CADM2: variants seen among roughly 807,000 people sequenced by gnomAD.
CADM2 encodes the protein cell adhesion molecule 2.
A neutral mutation model predicts 49.8 loss-of-function variants in CADM2; 12 were observed. The ratio of observed to expected loss-of-function variants is 0.24; its 90% confidence interval spans 0.15 to 0.39. The LOEUF is 0.39. Ranked by LOEUF, CADM2 falls within the 10% of genes least tolerant of loss-of-function variation. The probability of loss-of-function intolerance (pLI) is 1.00; values close to 1 mark genes in which losing one functional copy is unlikely to be tolerated. For missense variants in CADM2, 378 were observed against 492.3 expected, an observed-to-expected ratio of 0.77 and a Z score of 2.20; for synonymous variants, 214 against 175.4, an observed-to-expected ratio of 1.22 and a Z score of -1.74.
chr3:85,231,014 T>C (rs2042274767), intron 1 of CADM2, among the ~76,000 whole-genome samples: 2 of 152,164 alleles, frequency 1.3e-5, no homozygotes, highest in South Asian at 4.1e-4. Context: ...AAAAAAACTC[T>C]CTTGCCTTAC....
intron 1 of CADM2, among the ~76,000 whole-genome samples, chr3:85,472,390 G>T (rs115652672): frequency 6.6e-6 from 1 of 151,542 alleles, no homozygotes; most frequent in East Asian, 1.9e-4. Flanking sequence ...ATACACACAC[G>T]CACCCACACA....
chr3:85,251,967 A>G (rs2042784866), intron 1 of CADM2, among the ~76,000 whole-genome samples: 1 of 151,926 alleles, frequency 6.6e-6, no homozygotes, highest in South Asian at 2.1e-4. Context: ...TTTTCTCATA[A>G]TGGTCAATAT....
chr3:85,541,306 CTG>C (rs1376058091), intron 1 of CADM2, among the ~76,000 whole-genome samples: 1 of 151,442 alleles, frequency 6.6e-6, no homozygotes, highest in Admixed American at 6.6e-5. Flanking sequence ...ACACACACGT[CTG>C]TACACAAACA....
In CADM2 at chr3:85,199,576, T is replaced by C. The variant is rs75875753; in HGVS notation, c.61+239908T>C. ...CACAGCCTAGCATTGTACATGTTGA[T>C]GGCAAATGTTTCTTGAATGCAGGCA... On this transcript the variant is annotated intron_variant, in intron 1 of 9. Coordinates refer to ENST00000383699, the MANE Select transcript of CADM2 (RefSeq NM_001167675.2). 2.5e-3 allele frequency among the ~76,000 whole-genome samples: 379 copies of C among 152,018 alleles called. 1 individual carries two copies. The highest frequency in any genetic ancestry group is 8.8e-3 in the African/African-American group (365 of 41,526).
intron 1 of CADM2, among the ~76,000 whole-genome samples, chr3:85,075,277 A>G (rs1357108951): frequency 6.6e-6 from 1 of 151,896 alleles, no homozygotes; most frequent in East Asian, 1.9e-4. Context: ...TTGAACCAAT[A>G]GAAGTTTAGC....
At chr3:85,853,062 T>C (rs1245734503) in intron 3 of CADM2, among the ~76,000 whole-genome samples, 1 of 151,960 alleles carries the variant, frequency 6.6e-6, no homozygotes, top group Non-Finnish European at 1.5e-5. Context: ...GTAGCAACTA[T>C]TAAAACCACA....
chr3:85,819,248 G>GGCA (rs2073403655), intron 3 of CADM2, among the ~76,000 whole-genome samples: 1 of 152,124 alleles, frequency 6.6e-6, no homozygotes, highest in Non-Finnish European at 1.5e-5. Context: ...TATTGGTGCT[G>GGCA]GCAGCGGATT....
chr3:85,242,889 C>G lies in CADM2; in HGVS notation c.61+283221C>G, dbSNP rs184565274. Among the ~76,000 whole-genome samples, 517 of 151,862 alleles carry G rather than the reference C, an allele frequency of 3.4e-3. 1 individual carries two copies. Among genetic ancestry groups the G allele is most frequent in the African/African-American group, 0.011 (467 of 41,520 alleles). ...TTGTTCAAAAGGCCTAAAATTACAACACATCAATGATATTTGTTGCTTTTT... is the reference window on the plus strand; with the variant it reads ...TTGTTCAAAAGGCCTAAAATTACAAGACATCAATGATATTTGTTGCTTTTT... On this transcript the variant is annotated intron_variant, in intron 1 of 9. Transcript: ENST00000383699.
chr3:84,990,905 T>A (rs930161095), intron 1 of CADM2, among the ~76,000 whole-genome samples: 54 of 152,248 alleles, frequency 3.5e-4, no homozygotes, highest in Admixed American at 3.3e-3. Flanking sequence ...TATTTCACAA[T>A]TTTTTTCTTG....
intron 1 of CADM2, among the ~76,000 whole-genome samples, chr3:85,046,562 T>TTATCTCTAAAGGCA (rs2107386098): frequency 6.6e-6 from 1 of 152,128 alleles, no homozygotes; most frequent in South Asian, 2.1e-4. Context: ...CAAATTTGCC[T>TTATCTCTAAAGGCA]TATCTCTAAA....
intron 8 of CADM2, among the ~76,000 whole-genome samples, chr3:86,056,309 T>C (rs1737984299): frequency 6.6e-6 from 1 of 152,180 alleles, no homozygotes; most frequent in Non-Finnish European, 1.5e-5. Context: ...GTCAAGGAAA[T>C]ACTAGCCTGC....
Position 85,243,734 on chromosome 3 carries a change from A to C in CADM2, c.61+284066A>C, listed in dbSNP as rs72917115. ...GTGCTGTCTATAATAAAGGAGAAAA[A>C]ATTAACATTTCTAGCTTTATTCGAA... On this transcript the variant is annotated intron_variant, in intron 1 of 9. Coordinates refer to ENST00000383699, the MANE Select transcript of CADM2 (RefSeq NM_001167675.2). 6.4e-3 allele frequency among the ~76,000 whole-genome samples: 974 copies of C among 152,108 alleles called. 14 individuals carry two copies. Among genetic ancestry groups the C allele is most frequent in the African/African-American group, 0.022 (910 of 41,526 alleles).
At chr3:85,696,116 G>A (rs1004578010) in intron 1 of CADM2, among the ~76,000 whole-genome samples, 19 of 151,788 alleles carry the variant, frequency 1.3e-4, no homozygotes, top group African/African-American at 4.6e-4. Flanking sequence ...GGAATTATTT[G>A]GTTTTTTCTC....
intron 1 of CADM2, among the ~76,000 whole-genome samples, chr3:85,052,863 A>C (rs141831250): frequency 1.4e-3 from 209 of 152,078 alleles, no homozygotes; most frequent in Non-Finnish European, 2.6e-3. Context: ...GACATGAAAA[A>C]TGAATTAGTG....
chr3:85,706,024 C>G (rs1263959181), intron 1 of CADM2, among the ~76,000 whole-genome samples: 1 of 152,132 alleles, frequency 6.6e-6, no homozygotes, highest in African/African-American at 2.4e-5. Context: ...TTTCTCAAAA[C>G]TATATTCGTA....
intron 1 of CADM2, among the ~76,000 whole-genome samples, chr3:85,130,335 C>T (rs565120346): frequency 7.2e-5 from 11 of 151,996 alleles, no homozygotes; most frequent in East Asian, 5.8e-4. Context: ...TTATTTTATC[C>T]ATAGTTTTCC....
chr3:85,933,333 A>C (rs953071994), intron 6 of CADM2, among the ~76,000 whole-genome samples: 1 of 151,422 alleles, frequency 6.6e-6, no homozygotes, highest in East Asian at 1.9e-4. Flanking sequence ...CATGTCCTCC[A>C]CTCACTCTCG....
chr3:85,910,869 A>G (rs1050663059), intron 5 of CADM2, among the ~76,000 whole-genome samples: 2 of 152,064 alleles, frequency 1.3e-5, no homozygotes, highest in Admixed American at 6.6e-5. Context: ...AAAATCAATC[A>G]ATATGATAAA....
At chr3:85,550,911 C>T (rs773595512) in intron 1 of CADM2, among the ~76,000 whole-genome samples, 2 of 152,010 alleles carry the variant, frequency 1.3e-5, no homozygotes, top group South Asian at 2.1e-4. Context: ...ATTTGTTAAT[C>T]GTATTTTTTA....
Sources: allele counts gnomAD v4.1 joint callset (sites outside exome capture counted in the v4.1 genomes callset), GRCh38; gene constraint gnomAD v4.1.1; transcripts MANE v1.5; gene names NCBI Gene and HGNC (gene_info 2026-07-23, HGNC 2026-07-21).